HELZ: variants seen among roughly 807,000 people sequenced by gnomAD.
The protein encoded by HELZ is helicase with zinc finger.
Under a neutral mutation model 218.2 loss-of-function variants are expected in HELZ, and 23 were observed. The observed-to-expected ratio is 0.11, with a 90% CI of 0.08 to 0.15. HELZ has a LOEUF of 0.15. Ranked by LOEUF, HELZ falls within the 10% of genes least tolerant of loss-of-function variation. HELZ has a pLI of 1.00. For synonymous variants in HELZ, 814 were observed against 829.4 expected, an observed-to-expected ratio of 0.98 and a Z score of 0.32; for missense variants, 1,813 against 2,353.7, an observed-to-expected ratio of 0.77 and a Z score of 4.75.
At chr17:67,117,735 A>G (rs1382117333) in intron 27 of HELZ, among the ~76,000 whole-genome samples, 1 of 152,110 alleles carries the variant, frequency 6.6e-6, no homozygotes, top group East Asian at 1.9e-4. Flanking sequence ...CTTTTAGTAG[A>G]GACAGGGTTT....
intron 5 of HELZ, among the ~76,000 whole-genome samples, chr17:67,209,442 A>T (rs2040396860): frequency 6.6e-6 from 1 of 152,124 alleles, no homozygotes. Flanking sequence ...TACTAAAAAT[A>T]CAAAAATTAG....
rs1567819106 is a variant in HELZ, at chr17:67,123,121, C to G, written c.3479G>C (p.Arg1160Thr). ...NPSVLIGNPIRAYTPPPPLGP... is the reference protein window; with the variant it reads ...NPSVLIGNPITAYTPPPPLGP... Reference sequence around the variant, plus strand: ...AAGAGGGGGTGGAGGAGTATATGCTCTAATAGGATTGCCAATAAGTACAGA... The same window carrying G: ...AAGAGGGGGTGGAGGAGTATATGCTGTAATAGGATTGCCAATAAGTACAGA... The change falls in exon 26 of 33, where the codon AGA becomes ACA. Residue 1160 changes from arginine (R) to threonine (T), a missense_variant. Physicochemically the swap from Arg to Thr is moderately conservative, Grantham distance 71 (BLOSUM62 -1). Around this residue, in one of 4 missense-constraint regions of HELZ, gnomAD observed 938 missense variants for 1,027.5 expected, o/e 0.91. Transcript: ENST00000358691. 1.9e-6 allele frequency: 3 copies of G among 1,613,566 alleles called. No individual in the cohort carries two copies. Among genetic ancestry groups the G allele is most frequent in the Non-Finnish European group, 2.5e-6 (3 of 1,179,680 alleles).
intron 31 of HELZ, among the ~76,000 whole-genome samples, chr17:67,106,453 G>A (rs1206070132): frequency 4.6e-5 from 7 of 151,496 alleles, no homozygotes; most frequent in African/African-American, 9.8e-5. Context: ...GACTACAGGC[G>A]CCCGCCACCA....
intron 12 of HELZ, among the ~76,000 whole-genome samples, chr17:67,179,239 T>G (rs752168151): frequency 6.6e-6 from 1 of 152,164 alleles, no homozygotes; most frequent in Non-Finnish European, 1.5e-5. Flanking sequence ...CAAGAGAAAT[T>G]TGAATCTGCG....
At chr17:67,225,188 C>T (rs529738099) in intron 3 of HELZ, 10 of 344,638 alleles carry the variant, frequency 2.9e-5, no homozygotes, top group Non-Finnish European at 4.8e-5. Flanking sequence ...TCATCGTGTG[C>T]CAGATGTTTA....
rs1206820539 is a variant in HELZ at position 67,071,857 on chromosome 17, G to T, written c.*6395C>A. ...CAAACACATATAGATTTTTTTAAAGGTAGCAAAGTAATCAGAGACATTTAT... is the reference window on the plus strand; with the variant it reads ...CAAACACATATAGATTTTTTTAAAGTTAGCAAAGTAATCAGAGACATTTAT... On this transcript the variant is annotated 3_prime_UTR_variant, in exon 33 of 33. Transcript: ENST00000358691. 6.6e-6 allele frequency: 1 copy of T among 152,428 alleles called. No individual in the cohort carries two copies. Among genetic ancestry groups the T allele is most frequent in the Non-Finnish European group, 1.5e-5 (1 of 68,014 alleles). 9.4% of individuals were successfully genotyped at this position (152,428 alleles called of 1,614,324 possible). A position where few individuals can be genotyped will look rare whatever the true frequency, so the allele number is the denominator to read the frequency against.
At chr17:67,172,986 T>G (rs2039355470) in intron 13 of HELZ, 2 of 887,614 alleles carry the variant, frequency 2.3e-6, no homozygotes, top group Middle Eastern at 5.7e-4. Context: ...TTAGCAGGCA[T>G]GAAAAGTTAA....
intron 21 of HELZ, among the ~76,000 whole-genome samples, chr17:67,143,057 G>A (rs534134853): frequency 1.1e-4 from 17 of 152,118 alleles, no homozygotes; most frequent in African/African-American, 3.1e-4. Context: ...CACCGCACCC[G>A]GCCAAGGAGG....
chr17:67,091,692 A>G (rs953106135), intron 31 of HELZ, among the ~76,000 whole-genome samples: 1 of 152,194 alleles, frequency 6.6e-6, no homozygotes, highest in Admixed American at 6.5e-5. Flanking sequence ...GAGACATTAC[A>G]TACTGCCTGG....
intron 17 of HELZ, among the ~76,000 whole-genome samples, chr17:67,154,114 AG>A (rs1159826950): frequency 1.3e-5 from 2 of 152,238 alleles, no homozygotes; most frequent in Non-Finnish European, 2.9e-5. Flanking sequence ...CAAACCAAAA[AG>A]GTTTTTAAAA....
intron 7 of HELZ, 142 bp downstream of exon 7, chr17:67,200,987 G>A: frequency 2.8e-6 from 2 of 715,182 alleles, no homozygotes; most frequent in Non-Finnish European, 2.6e-6. Flanking sequence ...GGTTACGAGG[G>A]AAGGCTGGCA....
At chr17:67,124,563 T>C (rs1445538393) in intron 24 of HELZ, among the ~76,000 whole-genome samples, 1 of 152,174 alleles carries the variant, frequency 6.6e-6, no homozygotes, top group African/African-American at 2.4e-5. Flanking sequence ...ATTATTTGCT[T>C]GTGAGATAAT....
At chr17:67,226,216 A>T (rs574655698) in intron 3 of HELZ, among the ~76,000 whole-genome samples, 43 of 149,968 alleles carry the variant, frequency 2.9e-4, no homozygotes, top group African/African-American at 1.0e-3. Context: ...CCGAGATCGC[A>T]CCACTGCACT....
chr17:67,127,834 C>A (rs1364896002), intron 24 of HELZ, among the ~76,000 whole-genome samples: 1 of 146,424 alleles, frequency 6.8e-6, no homozygotes, highest in African/African-American at 2.6e-5. Context: ...TGACAGAGAT[C>A]CCCTCTCAAA....
intron 3 of HELZ, among the ~76,000 whole-genome samples, chr17:67,235,431 G>A (rs769081144): frequency 6.6e-6 from 1 of 151,904 alleles, no homozygotes; most frequent in African/African-American, 2.4e-5. Context: ...CTTGAACCAG[G>A]GAGGCGGAGG....
intron 22 of HELZ, among the ~76,000 whole-genome samples, chr17:67,136,869 CTG>C (rs1037543976): frequency 6.6e-6 from 1 of 152,128 alleles, no homozygotes; most frequent in Admixed American, 6.5e-5. Flanking sequence ...ATGGTGATGA[CTG>C]TTGCACAATA....
At chr17:67,135,617 CG>C (rs2143938402) in intron 23 of HELZ, among the ~76,000 whole-genome samples, 1 of 152,292 alleles carries the variant, frequency 6.6e-6, no homozygotes, top group African/African-American at 2.4e-5. Context: ...ATTTAGTTTA[CG>C]GTAATCTTCC....
Position 67,107,217 on chromosome 17 carries a change from T to C in HELZ, c.5193A>G (p.Pro1731=). 6.2e-7 allele frequency: 1 copy of C among 1,614,044 alleles called. No homozygotes were observed. Among genetic ancestry groups the C allele is most frequent in the Non-Finnish European group, 8.5e-7 (1 of 1,179,956 alleles). The part of the protein sequence containing the change: ...QHAIGQEPFH[P]LSSRTVSSSS... ...AAGAAGATACTGTTCGAGATGACAA[T>C]GGGTGAAATGGCTCTTGACCAATAG... Residue 1731 remains proline, a synonymous_variant, in exon 31 of 33, where the codon CCA becomes CCG. Coordinates refer to ENST00000358691, the MANE Select transcript of HELZ (RefSeq NM_014877.4).
chr17:67,092,558 G>A (rs932798500), intron 31 of HELZ, among the ~76,000 whole-genome samples: 2 of 152,160 alleles, frequency 1.3e-5, no homozygotes, highest in African/African-American at 2.4e-5. Flanking sequence ...GCAAAAATCC[G>A]GGAAAAACGA....
Sources: gnomAD v4.1 joint callset for allele counts (sites outside exome capture counted in the v4.1 genomes callset) on GRCh38, gnomAD v4.1.1 for gene constraint, gnomAD v4.1.1 regional missense constraint, MANE v1.5 for transcripts, NCBI Gene and HGNC (gene_info 2026-07-23, HGNC 2026-07-21) for gene names.